TFEC: variants seen among roughly 807,000 people sequenced by gnomAD.
TFEC encodes the protein transcription factor EC.
In TFEC, 31 loss-of-function variants were observed where a neutral mutation model predicts 41.6. The observed-to-expected ratio is 0.74, with a 90% CI of 0.56 to 1.01. TFEC has a LOEUF of 1.01. TFEC is among the 50% of genes least tolerant of loss of function. TFEC has a pLI of 0.00. For missense variants in TFEC, 402 were observed against 404.1 expected (o/e 0.99, Z 0.04); for synonymous variants, 143 against 140.6 (o/e 1.02, Z -0.12).
intron 1 of TFEC, among the ~76,000 whole-genome samples, chr7:116,023,910 G>C (rs1040138281): frequency 1.2e-4 from 18 of 152,194 alleles, no homozygotes; most frequent in Admixed American, 6.5e-5. Flanking sequence ...ACAAAGCAAA[G>C]GGAAATATTG....
chr7:116,046,029 C>A (rs962751989), intron 3 of TFEC, among the ~76,000 whole-genome samples: 1 of 152,176 alleles, frequency 6.6e-6, no homozygotes. Flanking sequence ...CTATATTTAC[C>A]TAATACCTGT....
intron 1 of TFEC, among the ~76,000 whole-genome samples, chr7:116,119,281 C>T (rs1031988057): frequency 3.3e-5 from 5 of 151,432 alleles, no homozygotes; most frequent in Non-Finnish European, 5.9e-5. Flanking sequence ...AACAAATACC[C>T]CTAAACTACA....
At chr7:116,044,271 AC>A (rs1796109131) in intron 3 of TFEC, among the ~76,000 whole-genome samples, 1 of 152,186 alleles carries the variant, frequency 6.6e-6, no homozygotes, top group African/African-American at 2.4e-5. Context: ...TCTTATAGCT[AC>A]CAGGCAAGCT....
intron 1 of TFEC, among the ~76,000 whole-genome samples, chr7:115,991,181 AT>A (rs1794094321): frequency 1.3e-5 from 2 of 152,200 alleles, no homozygotes; most frequent in South Asian, 4.1e-4. Context: ...AATGCTGAAG[AT>A]TTTGTCACCA....
At chr7:116,048,777 G>A (rs192624265) in intron 3 of TFEC, among the ~76,000 whole-genome samples, 35 of 152,320 alleles carry the variant, frequency 2.3e-4, no homozygotes, top group Non-Finnish European at 5.1e-4. Context: ...ACTAACAGTG[G>A]ATCTCTCAGC....
intron 3 of TFEC, among the ~76,000 whole-genome samples, chr7:116,055,585 C>T (rs937154242): frequency 6.6e-6 from 1 of 151,766 alleles, no homozygotes; most frequent in Non-Finnish European, 1.5e-5. Flanking sequence ...TTATATATTA[C>T]AAAAATATTT....
intron 3 of TFEC, among the ~76,000 whole-genome samples, chr7:116,068,308 C>G (rs1209701094): frequency 6.6e-6 from 1 of 151,744 alleles, no homozygotes; most frequent in Non-Finnish European, 1.5e-5. Context: ...ATCAATGTTA[C>G]TAAGCCTAAA....
intron 3 of TFEC, among the ~76,000 whole-genome samples, chr7:116,040,345 T>C (rs866107938): frequency 2.0e-5 from 3 of 152,140 alleles, no homozygotes; most frequent in African/African-American, 7.2e-5. Flanking sequence ...TGCACACACA[T>C]ATATAACTAG....
chr7:116,074,361 C>T (rs1397451364), intron 3 of TFEC, among the ~76,000 whole-genome samples: 4 of 151,370 alleles, frequency 2.6e-5, no homozygotes, highest in Admixed American at 6.6e-5. Flanking sequence ...ATTATATGCA[C>T]GACAAGGGGC....
At chr7:115,988,294 C>A (rs1346058214) in intron 1 of TFEC, among the ~76,000 whole-genome samples, 1 of 151,788 alleles carries the variant, frequency 6.6e-6, no homozygotes, top group Admixed American at 6.6e-5. Context: ...TTTTTAAAAA[C>A]TATGATTAAT....
intron 3 of TFEC, among the ~76,000 whole-genome samples, chr7:116,045,716 T>A (rs1247625336): frequency 4.6e-5 from 7 of 152,234 alleles, no homozygotes; most frequent in Non-Finnish European, 8.8e-5. Flanking sequence ...CTAGTGGAGC[T>A]GTGCGAAAAC....
intron 1 of TFEC, among the ~76,000 whole-genome samples, chr7:116,116,169 T>C (rs1797982864): frequency 2.0e-5 from 3 of 151,840 alleles, no homozygotes; most frequent in African/African-American, 7.3e-5. Context: ...TGGTAGATAG[T>C]AAAATAACTA....
At chr7:115,968,258 T>C (rs1394776289) in intron 3 of TFEC, 4 of 1,529,926 alleles carry the variant, frequency 2.6e-6, no homozygotes, top group Admixed American at 3.9e-5. Flanking sequence ...CATTTTCTTT[T>C]CCTTAAACTT....
At chr7:116,058,499 T>C (rs983536727) in intron 3 of TFEC, among the ~76,000 whole-genome samples, 2 of 151,130 alleles carry the variant, frequency 1.3e-5, no homozygotes, top group Non-Finnish European at 3.0e-5. Flanking sequence ...GACAGAAAAA[T>C]TGGTAAGAAT....
At chr7:116,136,558 T>A (rs939297266) in intron 1 of TFEC, among the ~76,000 whole-genome samples, 16 of 151,922 alleles carry the variant, frequency 1.1e-4, no homozygotes, top group South Asian at 4.1e-4. Context: ...AAGTTAATAA[T>A]GTAAACATTT....
chr7:115,952,670 G>A (rs968377103), intron 5 of TFEC, among the ~76,000 whole-genome samples: 2 of 152,016 alleles, frequency 1.3e-5, no homozygotes, highest in African/African-American at 2.4e-5. Flanking sequence ...GCTCCCAATG[G>A]TGTTCATACC....
chr7:116,141,965 ATAT>A (rs1179209501), intron 1 of TFEC, among the ~76,000 whole-genome samples: 1 of 152,146 alleles, frequency 6.6e-6, no homozygotes, highest in Non-Finnish European at 1.5e-5. Context: ...CCTTGTTCAG[ATAT>A]TATTATGGTC....
intron 1 of TFEC, among the ~76,000 whole-genome samples, chr7:115,995,313 G>A (rs1414115575): frequency 1.3e-5 from 2 of 151,700 alleles, no homozygotes; most frequent in Non-Finnish European, 2.9e-5. Context: ...CCTGCACATT[G>A]TGCACATGTA....
chr7:116,086,780 C>T (rs1056697332), intron 3 of TFEC, among the ~76,000 whole-genome samples: 2 of 151,888 alleles, frequency 1.3e-5, no homozygotes, highest in Non-Finnish European at 2.9e-5. Flanking sequence ...CTCTTTTCCA[C>T]TATTTGTAAA....
Sources: allele counts gnomAD v4.1 joint callset (sites outside exome capture counted in the v4.1 genomes callset), GRCh38; gene constraint gnomAD v4.1.1; transcripts MANE v1.5; gene names NCBI Gene and HGNC (gene_info 2026-07-23, HGNC 2026-07-21).